The following KCNT2 variants were observed in gnomAD, a reference collection of about 807,000 sequenced individuals.
The protein encoded by KCNT2 is potassium sodium-activated channel subfamily T member 2.
Under a neutral mutation model 153.8 loss-of-function variants are expected in KCNT2, and 67 were observed. The ratio of observed to expected loss-of-function variants is 0.44; its 90% CI spans 0.36 to 0.53. The LOEUF (loss-of-function observed/expected upper bound fraction) is 0.53. Among genes scored for constraint, KCNT2 ranks in the 20% least tolerant of loss-of-function variants. KCNT2 has a pLI of 0.00. For missense variants in KCNT2, 975 were observed against 1,354.8 expected, an observed-to-expected ratio of 0.72 and a Z score of 4.40; for synonymous variants, 500 against 458.8, an observed-to-expected ratio of 1.09 and a Z score of -1.15.
chr1:196,342,699 AT>A (rs1392469793), intron 14 of KCNT2, among the ~76,000 whole-genome samples: 4 of 151,980 alleles, frequency 2.6e-5, no homozygotes, highest in Non-Finnish European at 5.9e-5. Context: ...TATACTTAAA[AT>A]TACAAATTTA....
At chr1:196,402,952 A>G (rs1470866766) in intron 12 of KCNT2, among the ~76,000 whole-genome samples, 5 of 151,702 alleles carry the variant, frequency 3.3e-5, no homozygotes, top group Admixed American at 1.3e-4. Flanking sequence ...AGGAAGTTGC[A>G]TTCATTGCTG....
chr1:196,293,106 T>C (rs1405677052), intron 22 of KCNT2, among the ~76,000 whole-genome samples: 1 of 151,602 alleles, frequency 6.6e-6, no homozygotes, highest in Non-Finnish European at 1.5e-5. Context: ...GAAACACCAA[T>C]AAAAGAAACT....
chr1:196,475,195 T>C (rs1027969967), intron 5 of KCNT2, among the ~76,000 whole-genome samples: 1 of 152,226 alleles, frequency 6.6e-6, no homozygotes, highest in Non-Finnish European at 1.5e-5. Context: ...GAAAGTTATA[T>C]ATGGATTTGC....
intron 8 of KCNT2, among the ~76,000 whole-genome samples, chr1:196,430,378 ATC>A (rs71154742): frequency 0.066 from 9,554 of 144,400 alleles, 395 homozygotes; most frequent in Non-Finnish European, 0.086. Context: ...CACAAGATCG[ATC>A]TCTCTCTCTC....
intron 14 of KCNT2, among the ~76,000 whole-genome samples, chr1:196,369,906 G>A (rs535533224): frequency 1.2e-3 from 184 of 152,062 alleles, no homozygotes; most frequent in Non-Finnish European, 1.8e-3. Context: ...ACCACACTGC[G>A]AAGGACATGA....
chr1:196,402,528 G>T (rs1671503179), intron 12 of KCNT2, among the ~76,000 whole-genome samples: 1 of 151,296 alleles, frequency 6.6e-6, no homozygotes, highest in East Asian at 2.0e-4. Flanking sequence ...AAATTCAAAA[G>T]GCACATCTAA....
intron 13 of KCNT2, among the ~76,000 whole-genome samples, chr1:196,397,705 C>T (rs1028744078): frequency 1.3e-5 from 2 of 151,424 alleles, no homozygotes; most frequent in African/African-American, 4.8e-5. Context: ...TCAAAATTCC[C>T]TAGTATTTAC....
In KCNT2 at chr1:196,479,108, A is replaced by T. The variant is rs1678784646; in HGVS notation, c.384+71T>A. On this transcript the variant is annotated intron_variant, in intron 5 of 27. Coordinates refer to ENST00000294725, the MANE Select transcript of KCNT2 (RefSeq NM_198503.5). Reference sequence around the variant, plus strand: ...GCCTTACCTTCCAGTGCGAACTATAAATAGAGGAATACTGAGTAAATACTA... The same window carrying T: ...GCCTTACCTTCCAGTGCGAACTATATATAGAGGAATACTGAGTAAATACTA... 77 of 1,015,980 alleles carry T rather than the reference A, an allele frequency of 7.6e-5. 1 individual carries two copies. In the East Asian group the frequency reaches 2.0e-3, roughly 26 times the overall value. 62.9% of individuals were successfully genotyped at this position (1,015,980 alleles called of 1,614,324 possible). A position where few individuals can be genotyped will look rare whatever the true frequency, so the allele number is the denominator to read the frequency against.
chr1:196,569,938 G>T (rs907336562), intron 1 of KCNT2, among the ~76,000 whole-genome samples: 46 of 151,978 alleles, frequency 3.0e-4, no homozygotes, highest in African/African-American at 1.1e-3. Context: ...GGTGAAGAAA[G>T]GTGTAGAGAT....
In KCNT2 at chr1:196,235,916, A is replaced by T. The variant is rs940244888; in HGVS notation, c.3296+70T>A. On this transcript the variant is annotated intron_variant, in intron 27 of 27. Transcript: ENST00000294725. ...AAAATAAGAGGCTATTATGGCCTAA[A>T]TATAAGTACAAAAATAAATAGTAGT... The T allele has an allele frequency of 1.9e-5, 18 of 952,978 alleles. No individual in the cohort carries two copies. In the African/African-American group the frequency reaches 3.0e-4, roughly 16 times the overall value. 59.0% of individuals were successfully genotyped at this position (952,978 alleles called of 1,614,324 possible).
At chr1:196,584,002 G>T (rs1662365807) in intron 1 of KCNT2, among the ~76,000 whole-genome samples, 1 of 151,898 alleles carries the variant, frequency 6.6e-6, no homozygotes, top group East Asian at 1.9e-4. Flanking sequence ...TAAGTTTCCA[G>T]AAGTAGAGCA....
chr1:196,333,601 T>C (rs1411274276), intron 17 of KCNT2, among the ~76,000 whole-genome samples: 1 of 152,046 alleles, frequency 6.6e-6, no homozygotes, highest in Non-Finnish European at 1.5e-5. Flanking sequence ...TAAAAGATAA[T>C]TAAGAGCAAA....
chr1:196,488,201 G>T (rs1221612920), intron 3 of KCNT2, among the ~76,000 whole-genome samples: 4 of 151,878 alleles, frequency 2.6e-5, no homozygotes, highest in African/African-American at 9.7e-5. Flanking sequence ...CAAAATATCT[G>T]CAGACTTATC....
intron 1 of KCNT2, among the ~76,000 whole-genome samples, chr1:196,558,910 T>C (rs538187570): frequency 2.3e-4 from 35 of 151,514 alleles, no homozygotes; most frequent in Admixed American, 4.0e-4. Flanking sequence ...TAAGAAAAGG[T>C]GTAATATCTT....
chr1:196,289,508 G>T (rs955932781), intron 22 of KCNT2, among the ~76,000 whole-genome samples: 1 of 152,000 alleles, frequency 6.6e-6, no homozygotes, highest in African/African-American at 2.4e-5. Flanking sequence ...TTCTACTTAT[G>T]TTAGCGGCCT....
intron 21 of KCNT2, among the ~76,000 whole-genome samples, chr1:196,308,979 A>C (rs908736071): frequency 6.6e-5 from 10 of 152,012 alleles, no homozygotes; most frequent in African/African-American, 2.4e-4. Flanking sequence ...TAAACACATA[A>C]AGTAAGATTC....
intron 11 of KCNT2, 34 bp downstream of exon 11, chr1:196,425,817 CT>C (rs888111386): frequency 1.2e-6 from 2 of 1,606,702 alleles, no homozygotes; most frequent in African/African-American, 2.7e-5. Context: ...TCACTCAAAA[CT>C]GTAAGCTGCA....
intron 1 of KCNT2, among the ~76,000 whole-genome samples, chr1:196,531,622 A>T (rs1386500509): frequency 6.6e-6 from 1 of 152,046 alleles, no homozygotes; most frequent in Non-Finnish European, 1.5e-5. Flanking sequence ...TACAAACACA[A>T]ATAATTTTAA....
At chr1:196,458,031 G>A (rs1428141664) in intron 8 of KCNT2, among the ~76,000 whole-genome samples, 1 of 151,822 alleles carries the variant, frequency 6.6e-6, no homozygotes, top group Non-Finnish European at 1.5e-5. Flanking sequence ...CATCCAGAAT[G>A]AGACATACAA....
Sources: gnomAD v4.1 joint callset for allele counts (sites outside exome capture counted in the v4.1 genomes callset) on GRCh38, gnomAD v4.1.1 for gene constraint, MANE v1.5 for transcripts, NCBI Gene and HGNC (gene_info 2026-07-23, HGNC 2026-07-21) for gene names.